The following ZNF717 variants were observed in gnomAD, a reference collection of about 807,000 sequenced individuals.
The protein encoded by ZNF717 is zinc finger protein 717, also known as krueppel-like factor X17.
A neutral mutation model predicts 13.8 loss-of-function variants in ZNF717; 9 were observed. The observed-to-expected ratio is 0.65, with a 90% CI of 0.39 to 1.14. ZNF717 has a LOEUF of 1.14. ZNF717 is among the 50% of genes most tolerant of loss of function. The probability of loss-of-function intolerance (pLI) is 0.01; values close to 1 mark genes in which losing one functional copy is unlikely to be tolerated. For missense variants in ZNF717, 1,040 were observed against 1,080.7 expected (o/e 0.96, Z 0.53); for synonymous variants, 327 against 364.1 (o/e 0.90, Z 1.16).
At chr3:75,748,750 A>T (rs2107332263) in intron 2 of ZNF717, among the ~76,000 whole-genome samples, 1 of 152,348 alleles carries the variant, frequency 6.6e-6, no homozygotes, top group Admixed American at 6.5e-5. Flanking sequence ...GAATGGGCAA[A>T]AACTGGAAGG....
intron 2 of ZNF717, among the ~76,000 whole-genome samples, chr3:75,763,510 C>A (rs1286534929): frequency 1.3e-5 from 2 of 152,188 alleles, no homozygotes; most frequent in Non-Finnish European, 2.9e-5. Context: ...AAGTGAACAT[C>A]CAGAATACGT....
intron 5 of ZNF717, among the ~76,000 whole-genome samples, chr3:75,714,698 C>T (rs918634509): frequency 5.9e-5 from 9 of 152,124 alleles, no homozygotes; most frequent in South Asian, 2.1e-4. Context: ...GTAAAATGTA[C>T]ACTGGCCATT....
At chr3:75,742,290 C>A (rs1940571613) in intron 2 of ZNF717, among the ~76,000 whole-genome samples, 1 of 148,550 alleles carries the variant, frequency 6.7e-6, no homozygotes, top group African/African-American at 2.5e-5. Flanking sequence ...CACCACTGCA[C>A]TCCAGCCTGA....
intron 2 of ZNF717, among the ~76,000 whole-genome samples, chr3:75,744,233 C>T (rs1940857032): frequency 1.3e-5 from 2 of 152,230 alleles, no homozygotes; most frequent in South Asian, 2.1e-4. Flanking sequence ...TTTAACTGTG[C>T]ATATAGGCAT....
chr3:75,761,737 A>G (rs555572927), intron 2 of ZNF717, among the ~76,000 whole-genome samples: 2 of 152,250 alleles, frequency 1.3e-5, no homozygotes, highest in Admixed American at 6.5e-5. Flanking sequence ...CAATCTGCAA[A>G]TAAAATTTTA....
chr3:75,714,159 G>A (rs9880498), intron 5 of ZNF717, among the ~76,000 whole-genome samples: 62,949 of 151,618 alleles, frequency 0.42, 13,492 homozygotes, highest in South Asian at 0.61. Flanking sequence ...GGATAACTGC[G>A]GTGGGCCTGA....
intron 6 of ZNF717, among the ~76,000 whole-genome samples, chr3:75,704,021 GATA>G (rs1937749982): frequency 6.6e-6 from 1 of 152,114 alleles, no homozygotes; most frequent in South Asian, 2.1e-4. Flanking sequence ...TTTTTGTAAG[GATA>G]ATATTAATGA....
chr3:75,748,278 C>T (rs1240938636), intron 2 of ZNF717, among the ~76,000 whole-genome samples: 3 of 152,160 alleles, frequency 2.0e-5, no homozygotes, highest in African/African-American at 4.8e-5. Context: ...AAGCTGGTAC[C>T]ATTCCTTCTG....
downstream of ZNF717, among the ~76,000 whole-genome samples, chr3:75,725,720 C>T (rs1267759423): frequency 6.6e-6 from 1 of 152,132 alleles, no homozygotes; most frequent in African/African-American, 2.4e-5. Flanking sequence ...GGGGAACTTC[C>T]CTCCATACAA....
intron 2 of ZNF717, among the ~76,000 whole-genome samples, chr3:75,763,997 A>G (rs560768047): frequency 6.6e-6 from 1 of 152,316 alleles, no homozygotes; most frequent in South Asian, 2.1e-4. Context: ...AAGTTTGCAA[A>G]ATCTTTACTA....
chr3:75,713,659 A>G (rs1437431537), intron 5 of ZNF717, among the ~76,000 whole-genome samples: 3 of 152,108 alleles, frequency 2.0e-5, no homozygotes, highest in Non-Finnish European at 2.9e-5. Flanking sequence ...AAACAAAATT[A>G]TGACTAATAA....
chr3:75,746,234 T>C (rs1941160718), intron 2 of ZNF717, among the ~76,000 whole-genome samples: 1 of 152,344 alleles, frequency 6.6e-6, no homozygotes, highest in Non-Finnish European at 1.5e-5. Flanking sequence ...TAGTATTCCA[T>C]GGTGTATATG....
At chr3:75,746,362 A>G (rs1941173094) in intron 2 of ZNF717, among the ~76,000 whole-genome samples, 1 of 152,180 alleles carries the variant, frequency 6.6e-6, no homozygotes, top group Admixed American at 6.5e-5. Flanking sequence ...GTGTCTTTAT[A>G]GTAGCATCAT....
chr3:75,741,055 G>A (rs1336356547), intron 4 of ZNF717, among the ~76,000 whole-genome samples: 4 of 152,260 alleles, frequency 2.6e-5, no homozygotes, highest in Non-Finnish European at 5.9e-5. Context: ...GGATGGCAGG[G>A]ATTGGATTTG....
intron 4 of ZNF717, among the ~76,000 whole-genome samples, chr3:75,724,300 T>C (rs1381096115): frequency 6.6e-6 from 1 of 152,078 alleles, no homozygotes; most frequent in Non-Finnish European, 1.5e-5. Flanking sequence ...TATCTCTTTG[T>C]CTTGTGTCTT....
At chr3:75,775,007 G>A (rs182293216) in intron 2 of ZNF717, among the ~76,000 whole-genome samples, 2 of 152,144 alleles carry the variant, frequency 1.3e-5, no homozygotes, top group East Asian at 3.9e-4. Flanking sequence ...TGTCACCCAG[G>A]CTGGAGTGCA....
In ZNF717 at chr3:75,737,991, A is replaced by G. The variant is rs1337339553; in HGVS notation, c.1632T>C (p.Tyr544=). ...PYACNECGKT[Y]SHKSYLTVHH... is the part of the protein sequence containing the mutation. ...GTACTGTAAGGTATGACTTGTGGCT[A>G]TATGTTTTTCCACATTCGTTACATG... The change falls in exon 5 of 5, where the codon TAT becomes TAC. Residue 544 remains tyrosine (Y), a synonymous_variant. Transcript: ENST00000652011. The G allele has an allele frequency of 1.4e-5, 19 of 1,344,380 alleles. No individual in the cohort carries two copies. Among genetic ancestry groups the G allele is most frequent in the South Asian group, 4.3e-5 (3 of 68,996 alleles). 83.3% of individuals were successfully genotyped at this position (1,344,380 alleles called of 1,614,324 possible).
Position 75,737,819 on chromosome 3 carries a change from T to C in ZNF717, c.1804A>G (p.Asn602Asp), listed in dbSNP as rs748885031. ...ECNECEKTFI[N>D]KLNLGIHKRT... is the part of the protein sequence containing the mutation. ...TTGTGTATCCCAAGGTTTAACTTAT[T>C]GATAAAGGTTTTCTCACATTCATTA... The change falls in exon 5 of 5, where the codon AAT becomes GAT. Residue 602 changes from asparagine to aspartate, a missense_variant. Asn to Asp is a conservative substitution (Grantham distance 23). This residue lies in a region of ZNF717 where 873 missense variants were observed against 832.8 expected (regional missense o/e 1.05). Transcript: ENST00000652011. 2 of 1,551,054 alleles carry C rather than the reference T, an allele frequency of 1.3e-6. No individual in the cohort carries two copies.
At chr3:75,735,564 G>A (rs796149004), downstream of ZNF717, among the ~76,000 whole-genome samples, 3 of 58,040 alleles carry the variant, frequency 5.2e-5, no homozygotes, top group Non-Finnish European at 1.0e-4. Flanking sequence ...AGGATCACTT[G>A]AACCCATGAG....
Sources: gnomAD v4.1 joint callset for allele counts (sites outside exome capture counted in the v4.1 genomes callset) on GRCh38, gnomAD v4.1.1 for gene constraint, gnomAD v4.1.1 regional missense constraint, MANE v1.5 for transcripts, NCBI Gene and HGNC (gene_info 2026-07-23, HGNC 2026-07-21) for gene names.